Variants in TLL1 observed in about 807,000 individuals in gnomAD.
The protein encoded by TLL1 is tolloid like 1.
In TLL1, 49 loss-of-function variants were observed where a neutral mutation model predicts 128.2. The ratio of observed to expected loss-of-function variants is 0.38; its 90% CI spans 0.30 to 0.48. The LOEUF (loss-of-function observed/expected upper bound fraction) is 0.48, where lower values mean the gene tolerates loss of function less well. Ranked by LOEUF, TLL1 falls within the 20% of genes least tolerant of loss-of-function variation. The probability of loss-of-function intolerance (pLI) is 0.96; values close to 1 mark genes in which losing one functional copy is unlikely to be tolerated. For missense variants in TLL1, 1,123 were observed against 1,242.0 expected (o/e 0.90, Z 1.44); for synonymous variants, 454 against 418.8 (o/e 1.08, Z -1.03).
At chr4:166,041,957 C>A in intron 10 of TLL1, 70 bp from the exon 11 acceptor site, 1 of 1,038,540 alleles carries the variant, frequency 9.6e-7, no homozygotes, top group Non-Finnish European at 1.5e-6. Context: ...TTATTTGTGA[C>A]TAGTACAAAA....
chr4:166,049,941 A>G (rs1372105677), intron 12 of TLL1, among the ~76,000 whole-genome samples: 1 of 152,124 alleles, frequency 6.6e-6, no homozygotes, highest in Non-Finnish European at 1.5e-5. Context: ...ATTTAAAATA[A>G]TACTATCTAT....
At chr4:165,934,022 G>A (rs190020407) in intron 1 of TLL1, among the ~76,000 whole-genome samples, 28 of 151,938 alleles carry the variant, frequency 1.8e-4, no homozygotes, top group African/African-American at 6.8e-4. Flanking sequence ...TTTTGAGATG[G>A]AGTTTTGCTC....
At chr4:166,043,232 T>C in intron 11 of TLL1, 42 bp from the exon 12 acceptor site, 2 of 1,613,378 alleles carry the variant, frequency 1.2e-6, no homozygotes, top group Admixed American at 1.7e-5. Context: ...TGAAATAGCA[T>C]GTCCAGGCTT....
At chr4:165,961,667 A>G (rs748681492) in intron 1 of TLL1, among the ~76,000 whole-genome samples, 4 of 152,186 alleles carry the variant, frequency 2.6e-5, no homozygotes, top group Non-Finnish European at 5.9e-5. Flanking sequence ...ACAAAGCTGC[A>G]TACCTACAAC....
rs1733721056 is a variant in TLL1 at position 165,935,474 on chromosome 4, C to T, written c.170-53907C>T. Among the ~76,000 whole-genome samples, 4 of 152,110 alleles carry T rather than the reference C, an allele frequency of 2.6e-5. 1 individual carries two copies. Among genetic ancestry groups the T allele is most frequent in the South Asian group, 4.2e-4 (2 of 4,818 alleles). ...TTTTAGACCTTAGTATTATAAAACT[C>T]AGATGGAGGAAAACAAATAAAAATA... is the stretch of plus-strand genomic sequence containing the variant. On this transcript the variant is annotated intron_variant, in intron 1 of 20. Coordinates refer to ENST00000061240, the MANE Select transcript of TLL1 (RefSeq NM_012464.5).
intron 1 of TLL1, among the ~76,000 whole-genome samples, chr4:165,904,263 T>C (rs1188247148): frequency 6.6e-6 from 1 of 152,186 alleles, no homozygotes; most frequent in East Asian, 1.9e-4. Flanking sequence ...AATAAGATTA[T>C]TACCTCATGA....
At chr4:166,083,378 GATC>G (rs1283718469) in intron 18 of TLL1, among the ~76,000 whole-genome samples, 1 of 122,622 alleles carries the variant, frequency 8.2e-6, no homozygotes, top group African/African-American at 2.5e-5. Context: ...TTCATGTTTT[GATC>G]ATATTTGTGG....
intron 1 of TLL1, among the ~76,000 whole-genome samples, chr4:165,961,073 A>G (rs192335368): frequency 7.3e-4 from 111 of 152,238 alleles, no homozygotes; most frequent in Middle Eastern, 3.4e-3. Flanking sequence ...AGAAGACCCT[A>G]AAGATCCCAC....
intron 8 of TLL1, among the ~76,000 whole-genome samples, chr4:166,017,727 C>T (rs1416198643): frequency 6.6e-6 from 1 of 152,036 alleles, no homozygotes; most frequent in Non-Finnish European, 1.5e-5. Context: ...CTGCCCCTCT[C>T]AGCCACTCTG....
chr4:165,898,333 T>G (rs1301080869), intron 1 of TLL1, among the ~76,000 whole-genome samples: 2 of 152,264 alleles, frequency 1.3e-5, no homozygotes, highest in Non-Finnish European at 2.9e-5. Context: ...TGCTTCTAGC[T>G]TTTGCCCATT....
chr4:165,993,917 T>C (rs1312399212), intron 3 of TLL1, among the ~76,000 whole-genome samples: 1 of 152,156 alleles, frequency 6.6e-6, no homozygotes, highest in Non-Finnish European at 1.5e-5. Context: ...TATAATATAG[T>C]ATTCTTAATT....
At position 165,917,762 on chromosome 4, in the gene TLL1, C is replaced by T. The variant is rs1216967146; in HGVS notation, c.169+43689C>T. ...CATATTTATTTCTCAATTCTGTTTT[C>T]CTTTAAATGACTCTTTTGGCCTTCT... On this transcript the variant is annotated intron_variant, in intron 1 of 20. Transcript: ENST00000061240. Among the ~76,000 whole-genome samples, 11 of 152,040 alleles carry T rather than the reference C, an allele frequency of 7.2e-5. No individual in the cohort carries two copies. In the East Asian group the frequency reaches 2.1e-3, roughly 29 times the overall value.
At chr4:165,925,106 C>T (rs538591584) in intron 1 of TLL1, among the ~76,000 whole-genome samples, 20 of 152,318 alleles carry the variant, frequency 1.3e-4, no homozygotes, top group African/African-American at 4.8e-4. Context: ...GTTGTTTTCA[C>T]ACTGCTAACA....
chr4:165,902,384 G>T (rs997850507), intron 1 of TLL1, among the ~76,000 whole-genome samples: 1 of 152,160 alleles, frequency 6.6e-6, no homozygotes, highest in African/African-American at 2.4e-5. Context: ...CCAGTTTTGT[G>T]CTTGAAACCC....
chr4:165,891,202 G>A (rs1336383882), intron 1 of TLL1, among the ~76,000 whole-genome samples: 1 of 152,150 alleles, frequency 6.6e-6, no homozygotes, highest in Admixed American at 6.5e-5. Flanking sequence ...CTTCTGGCTT[G>A]TGATGGGAGG....
At chr4:165,898,940 T>A (rs1181249650) in intron 1 of TLL1, among the ~76,000 whole-genome samples, 8 of 152,220 alleles carry the variant, frequency 5.3e-5, no homozygotes, top group Admixed American at 4.6e-4. Context: ...TTCAACTTCT[T>A]CTTGGTTTAG....
intron 1 of TLL1, among the ~76,000 whole-genome samples, chr4:165,967,257 T>G (rs1847276): frequency 6.6e-6 from 1 of 151,998 alleles, no homozygotes. Context: ...AGATTTCATA[T>G]TGTTCAAACA....
intron 9 of TLL1, among the ~76,000 whole-genome samples, chr4:166,032,344 T>C (rs1418627521): frequency 1.3e-5 from 2 of 152,180 alleles, no homozygotes; most frequent in East Asian, 3.9e-4. Flanking sequence ...CCAGACCAAA[T>C]TTTTCTAGAG....
intron 1 of TLL1, among the ~76,000 whole-genome samples, chr4:165,951,610 T>C (rs1286307478): frequency 6.6e-6 from 1 of 152,120 alleles, no homozygotes; most frequent in Non-Finnish European, 1.5e-5. Context: ...AAGAGCTATA[T>C]TAGATGTGTT....
Sources: gnomAD v4.1 joint callset for allele counts (sites outside exome capture counted in the v4.1 genomes callset) on GRCh38, gnomAD v4.1.1 for gene constraint, MANE v1.5 for transcripts, NCBI Gene and HGNC (gene_info 2026-07-23, HGNC 2026-07-21) for gene names.